VPS53: variants seen among roughly 807,000 people sequenced by gnomAD.
The protein encoded by VPS53 is vacuolar protein sorting-associated protein 53 homolog.
Under a neutral mutation model 107.0 loss-of-function variants are expected in VPS53, and 70 were observed. The ratio of observed to expected loss-of-function variants is 0.65; its 90% CI spans 0.54 to 0.80. The LOEUF is 0.80. Ranked by LOEUF, VPS53 falls within the 30% of genes least tolerant of loss-of-function variation. The probability of loss-of-function intolerance (pLI) is 0.00; values close to 1 mark genes in which losing one functional copy is unlikely to be tolerated. For synonymous variants in VPS53, 409 were observed against 393.3 expected, an observed-to-expected ratio of 1.04 and a Z score of -0.47; for missense variants, 917 against 1,049.4, an observed-to-expected ratio of 0.87 and a Z score of 1.74.
At chr17:544,482 ACT>A (rs753579895) in intron 17 of VPS53, among the ~76,000 whole-genome samples, 1 of 151,798 alleles carries the variant, frequency 6.6e-6, no homozygotes, top group African/African-American at 2.4e-5. Context: ...AGACTTACTC[ACT>A]CTCTCTGTAT....
chr17:586,924 T>C (rs1012589422), intron 12 of VPS53, among the ~76,000 whole-genome samples: 8 of 152,156 alleles, frequency 5.3e-5, no homozygotes, highest in Non-Finnish European at 1.0e-4. Context: ...TTTCCTGCAA[T>C]GGTTCCCAGA....
intron 13 of VPS53, among the ~76,000 whole-genome samples, chr17:571,884 G>A (rs1452620530): frequency 1.6e-4 from 24 of 152,242 alleles, no homozygotes; most frequent in Middle Eastern, 3.4e-3. Context: ...GCGTGATCTC[G>A]GCTCGCTACA....
At chr17:548,533 C>T (rs12941563) in intron 17 of VPS53, among the ~76,000 whole-genome samples, 68 of 69,404 alleles carry the variant, frequency 9.8e-4, no homozygotes, top group South Asian at 4.9e-3. Flanking sequence ...CTTCTGGAAT[C>T]ATCCAACGAC....
intron 17 of VPS53, among the ~76,000 whole-genome samples, chr17:547,504 G>T (rs926729559): frequency 6.6e-6 from 1 of 152,186 alleles, no homozygotes; most frequent in Non-Finnish European, 1.5e-5. Flanking sequence ...GTAGGCTAAT[G>T]GTTGTCAGGG....
At chr17:640,819 C>T (rs1046284860) in intron 7 of VPS53, among the ~76,000 whole-genome samples, 1 of 151,972 alleles carries the variant, frequency 6.6e-6, no homozygotes, top group Non-Finnish European at 1.5e-5. Flanking sequence ...CAGAAGGATA[C>T]GCATATAAAT....
chr17:584,313 C>T (rs2142999741), intron 13 of VPS53, among the ~76,000 whole-genome samples: 1 of 152,314 alleles, frequency 6.6e-6, no homozygotes, highest in East Asian at 1.9e-4. Context: ...GACAAGGACG[C>T]AGGGATGAGG....
chr17:709,285 T>C (rs1445903922), intron 2 of VPS53, among the ~76,000 whole-genome samples: 2 of 152,050 alleles, frequency 1.3e-5, no homozygotes, highest in African/African-American at 4.8e-5. Context: ...CTCTAGTGTA[T>C]TTGTTGGTTT....
rs1229951453 is a variant in VPS53 at position 573,316 on chromosome 17, G to A, written c.1314-10571C>T. 4.6e-5 allele frequency among the ~76,000 whole-genome samples: 7 copies of A among 152,216 alleles called. 1 individual carries two copies. The highest frequency in any genetic ancestry group is 3.9e-4 in the Admixed American group (6 of 15,280). Reference sequence around the variant, plus strand: ...TCCTCTTTGAACATAAATAAAAATTGAGAAAGCCATTTAAAGGATGTAAGG... The same window carrying A: ...TCCTCTTTGAACATAAATAAAAATTAAGAAAGCCATTTAAAGGATGTAAGG... On this transcript the variant is annotated intron_variant, in intron 13 of 21. Coordinates refer to ENST00000437048, the MANE Select transcript of VPS53 (RefSeq NM_001128159.3).
At chr17:571,755 G>C (rs1159175695) in intron 13 of VPS53, among the ~76,000 whole-genome samples, 1 of 152,246 alleles carries the variant, frequency 6.6e-6, no homozygotes, top group Non-Finnish European at 1.5e-5. Context: ...GTGTTGGCCG[G>C]GCTGGTCTCC....
In VPS53 at chr17:628,211, A is replaced by T; in HGVS notation, c.708T>A (p.Asn236Lys). The change falls in exon 9 of 22, where the codon AAT becomes AAA. Residue 236 changes from asparagine (N) to lysine (K), a missense_variant. Transcript: ENST00000437048. ...CAACCAGACATGCATCTCGTAGAAC[A>T]TTGCTGGGTCCTCCTGGTCTCTAGT... is the stretch of plus-strand genomic sequence containing the variant. ...QGTKRPGGPS[N>K]VLRDACLVAN... The T allele has an allele frequency of 6.2e-7, 1 of 1,613,972 alleles. No homozygotes were observed. The highest frequency in any genetic ancestry group is 8.5e-7 in the Non-Finnish European group (1 of 1,179,980).
chr17:587,261 C>T (rs1967369145), intron 12 of VPS53, among the ~76,000 whole-genome samples: 1 of 152,138 alleles, frequency 6.6e-6, no homozygotes, highest in Non-Finnish European at 1.5e-5. Context: ...TGGGGTTTTG[C>T]CATGTTGGCC....
chr17:667,346 A>G (rs1971736800), intron 4 of VPS53, among the ~76,000 whole-genome samples: 1 of 152,160 alleles, frequency 6.6e-6, no homozygotes, highest in East Asian at 1.9e-4. Flanking sequence ...AGGAAGAAAA[A>G]TAGGGCAAAA....
At chr17:689,712 G>A (rs996543938) in intron 4 of VPS53, among the ~76,000 whole-genome samples, 4 of 152,032 alleles carry the variant, frequency 2.6e-5, no homozygotes, top group Admixed American at 2.0e-4. Context: ...GATCTCAGGC[G>A]ATCCGCCCAC....
At position 697,409 on chromosome 17, in the gene VPS53, GTTAC is replaced by G; in HGVS notation, c.285+5_285+8del. The G allele has an allele frequency of 6.2e-7, 1 of 1,612,078 alleles. No homozygotes were observed. Among genetic ancestry groups the G allele is most frequent in the Non-Finnish European group, 8.5e-7 (1 of 1,178,082 alleles). ...GAGCATAGGTAATATGGAGGAATGA[GTTAC>G]TTACTTGCCGTCCATCCTGCCCCAC... is the stretch of plus-strand genomic sequence containing the variant. On this transcript the variant is annotated splice_donor_5th_base_variant and intron_variant, in intron 4 of 21. Transcript: ENST00000437048.
intron 4 of VPS53, among the ~76,000 whole-genome samples, chr17:662,830 AAAGAAAGGAAGG>A (rs1254851254): frequency 8.7e-5 from 10 of 114,982 alleles, no homozygotes; most frequent in African/African-American, 1.7e-4. Context: ...AGAGAAAGAG[AAAGAAAGGAAGG>A]AAGGAAGGAA....
chr17:536,110 C>G (rs953134092), intron 18 of VPS53, among the ~76,000 whole-genome samples: 1 of 152,120 alleles, frequency 6.6e-6, no homozygotes, highest in African/African-American at 2.4e-5. Context: ...AGATGGTGAT[C>G]GGCAAAGAAC....
intron 1 of VPS53, chr17:714,031 C>A (rs1973746598): frequency 7.7e-6 from 1 of 129,294 alleles, no homozygotes; most frequent in Non-Finnish European, 1.6e-5. Flanking sequence ...GGCGACAGAG[C>A]GAGAATCCGT....
chr17:596,514 C>T (rs969867814), intron 12 of VPS53, among the ~76,000 whole-genome samples: 7 of 152,220 alleles, frequency 4.6e-5, no homozygotes, highest in African/African-American at 1.7e-4. Context: ...TCCCCACCAA[C>T]AGCACTCTTC....
intron 4 of VPS53, among the ~76,000 whole-genome samples, chr17:662,828 A>AAAG (rs1971512902): frequency 1.0e-5 from 1 of 96,384 alleles, no homozygotes; most frequent in African/African-American, 3.3e-5. Context: ...AAAGAGAAAG[A>AAAG]GAAAGAAAGG....
Sources: allele counts gnomAD v4.1 joint callset (sites outside exome capture counted in the v4.1 genomes callset), GRCh38; gene constraint gnomAD v4.1.1; transcripts MANE v1.5; gene names NCBI Gene and HGNC (gene_info 2026-07-23, HGNC 2026-07-21).